The following TRAPPC9 variants were observed in gnomAD, a reference collection of about 807,000 sequenced individuals.
The protein encoded by TRAPPC9 is IKK2 binding protein.
A neutral mutation model predicts 124.0 loss-of-function variants in TRAPPC9; 83 were observed. That is an observed-to-expected ratio of 0.67 (90% CI 0.56 to 0.80). The LOEUF (loss-of-function observed/expected upper bound fraction) is 0.80. Ranked by LOEUF, TRAPPC9 falls within the 30% of genes least tolerant of loss-of-function variation. The pLI, the probability that TRAPPC9 is intolerant of heterozygous loss-of-function variation, is 0.00. For missense variants in TRAPPC9, 1,302 were observed against 1,508.3 expected (o/e 0.86, Z 2.27); for synonymous variants, 638 against 617.5 (o/e 1.03, Z -0.49).
At chr8:140,018,010 A>T (rs1839580941) in intron 18 of TRAPPC9, among the ~76,000 whole-genome samples, 1 of 151,836 alleles carries the variant, frequency 6.6e-6, no homozygotes, top group South Asian at 2.1e-4. Context: ...CACCCAGTTA[A>T]TTTTTGTATT....
At chr8:140,437,415 G>A (rs1302089971) in intron 3 of TRAPPC9, among the ~76,000 whole-genome samples, 1 of 152,152 alleles carries the variant, frequency 6.6e-6, no homozygotes, top group African/African-American at 2.4e-5. Flanking sequence ...AGCTGAGGTC[G>A]AGTTCAAGAG....
chr8:140,349,340 C>T (rs117621457), intron 9 of TRAPPC9, among the ~76,000 whole-genome samples: 9,537 of 87,384 alleles, frequency 0.11, 695 homozygotes, highest in Middle Eastern at 0.22. Context: ...ACAAGGGGGC[C>T]GAAGGGGGCG....
intron 9 of TRAPPC9, among the ~76,000 whole-genome samples, chr8:140,338,525 C>A (rs984397034): frequency 2.0e-5 from 3 of 152,298 alleles, no homozygotes; most frequent in African/African-American, 7.2e-5. Flanking sequence ...AAGTCCTAAC[C>A]CCCAGCACCT....
rs1234280796 is a variant in TRAPPC9 at position 140,101,532 on chromosome 8, C to CTTTTTTTTTTTTTTTTTTTTTTTT, written c.2557-77454_2557-77453insAAAAAAAAAAAAAAAAAAAAAAAA. On this transcript the variant is annotated intron_variant, in intron 17 of 22. Coordinates refer to ENST00000438773, the MANE Select transcript of TRAPPC9 (RefSeq NM_001160372.4). The stretch of plus-strand genomic sequence containing the variant: ...ACTTGGGTTGGTTTTGTAGGGTTTT[C>CTTTTTTTTTTTTTTTTTTTTTTTT]TTTTTTTTGTTTTTTTTTTTTTTTT... Among the ~76,000 whole-genome samples, 13 of 78,720 alleles carry CTTTTTTTTTTTTTTTTTTTTTTTT rather than the reference C, an allele frequency of 1.7e-4. 3 individuals carry two copies. Among genetic ancestry groups the CTTTTTTTTTTTTTTTTTTTTTTTT allele is most frequent in the Non-Finnish European group, 1.6e-4 (7 of 44,750 alleles). 51.6% of individuals were successfully genotyped at this position (78,720 alleles called of 152,430 possible).
At chr8:139,817,912 T>C (rs1315128305) in intron 21 of TRAPPC9, among the ~76,000 whole-genome samples, 2 of 152,182 alleles carry the variant, frequency 1.3e-5, no homozygotes, top group Non-Finnish European at 2.9e-5. Context: ...TACAAAGCCA[T>C]ACCGAGATCC....
At chr8:140,089,886 T>C (rs957504469) in intron 17 of TRAPPC9, among the ~76,000 whole-genome samples, 1 of 152,112 alleles carries the variant, frequency 6.6e-6, no homozygotes, top group Non-Finnish European at 1.5e-5. Context: ...AAGACCATCC[T>C]GGCCAACACG....
chr8:140,266,432 C>A (rs956047309), intron 15 of TRAPPC9, among the ~76,000 whole-genome samples: 1 of 149,284 alleles, frequency 6.7e-6, no homozygotes, highest in African/African-American at 2.5e-5. Flanking sequence ...CACTGCACTC[C>A]AGCCTGGGCG....
intron 15 of TRAPPC9, among the ~76,000 whole-genome samples, chr8:140,256,524 G>A (rs1006727372): frequency 4.0e-5 from 6 of 151,148 alleles, no homozygotes; most frequent in African/African-American, 1.4e-4. Context: ...CCTCCTCCAC[G>A]CAGGACCCCC....
intron 9 of TRAPPC9, among the ~76,000 whole-genome samples, chr8:140,333,094 C>G (rs2066937319): frequency 6.8e-6 from 1 of 147,996 alleles, no homozygotes; most frequent in Middle Eastern, 3.4e-3. Context: ...CCACTTCACC[C>G]AAGCCTGGGC....
intron 19 of TRAPPC9, among the ~76,000 whole-genome samples, chr8:139,980,293 G>A (rs1836803189): frequency 1.3e-5 from 2 of 152,276 alleles, no homozygotes; most frequent in South Asian, 4.1e-4. Context: ...TCACTAAGCG[G>A]GTGGCTCCTC....
Position 140,360,189 on chromosome 8 carries a change from C to T in TRAPPC9, c.1356G>A (p.Thr452=), listed in dbSNP as rs1055288375. The change falls in exon 9 of 23, where the codon ACG becomes ACA. Residue 452 remains threonine (T), a synonymous_variant. Transcript: ENST00000438773. ...SLDPKDFSRG[T]HRGWAAVQMR... is the part of the protein sequence containing the mutation. ...TCTGGACCGCAGCCCAGCCTCTGTG[C>T]GTGCCTGCGATGGAAGTTACAAAAC... is the stretch of plus-strand genomic sequence containing the variant. 3 of 1,613,952 alleles carry T rather than the reference C, an allele frequency of 1.9e-6. No individual in the cohort carries two copies. Among genetic ancestry groups the T allele is most frequent in the East Asian group, 4.5e-5 (2 of 44,890 alleles).
At chr8:140,124,642 C>T (rs2061049110) in intron 17 of TRAPPC9, among the ~76,000 whole-genome samples, 1 of 152,142 alleles carries the variant, frequency 6.6e-6, no homozygotes, top group Admixed American at 6.5e-5. Flanking sequence ...CCAAGCCTGA[C>T]ACCACGCAGG....
At chr8:140,324,443 T>A (rs1563945711) in intron 9 of TRAPPC9, among the ~76,000 whole-genome samples, 1 of 152,174 alleles carries the variant, frequency 6.6e-6, no homozygotes, top group Non-Finnish European at 1.5e-5. Context: ...CATGATTTTT[T>A]TAAAGTTGGA....
chr8:139,823,425 C>T (rs998163406), intron 21 of TRAPPC9, among the ~76,000 whole-genome samples: 8 of 152,108 alleles, frequency 5.3e-5, no homozygotes, highest in Non-Finnish European at 8.8e-5. Flanking sequence ...GACCAAGGTG[C>T]CCAGGGTGTG....
chr8:139,909,959 G>A (rs1039055711), intron 20 of TRAPPC9, among the ~76,000 whole-genome samples, 188 bp downstream of exon 20: 1 of 152,192 alleles, frequency 6.6e-6, no homozygotes, highest in Admixed American at 6.5e-5. Flanking sequence ...ATACTGCTCC[G>A]AGTGGGGCCT....
intron 17 of TRAPPC9, among the ~76,000 whole-genome samples, chr8:140,220,192 T>C (rs1247970229): frequency 1.3e-5 from 2 of 152,094 alleles, no homozygotes; most frequent in Non-Finnish European, 2.9e-5. Context: ...GGGAGGGTGG[T>C]GGGGCTCAGC....
At chr8:140,138,537 C>T (rs1220880215) in intron 17 of TRAPPC9, among the ~76,000 whole-genome samples, 3 of 152,110 alleles carry the variant, frequency 2.0e-5, no homozygotes, top group African/African-American at 4.8e-5. Flanking sequence ...CTGCATCCCC[C>T]GGTCCCTCTA....
chr8:140,410,141 C>CAAAAAAA (rs61149910), intron 5 of TRAPPC9, among the ~76,000 whole-genome samples: 1 of 70,218 alleles, frequency 1.4e-5, no homozygotes. Context: ...ACCTTGTCTC[C>CAAAAAAA]AAAAAAAAAA....
chr8:140,057,682 G>A (rs537985829), intron 17 of TRAPPC9, among the ~76,000 whole-genome samples: 2 of 152,314 alleles, frequency 1.3e-5, no homozygotes, highest in Admixed American at 6.5e-5. Context: ...GACTGGGAGA[G>A]GGGAAACGGA....
Sources: allele counts gnomAD v4.1 joint callset (sites outside exome capture counted in the v4.1 genomes callset), GRCh38; gene constraint gnomAD v4.1.1; transcripts MANE v1.5; gene names NCBI Gene and HGNC (gene_info 2026-07-23, HGNC 2026-07-21).